Variants in XIRP2 observed in about 807,000 individuals in gnomAD.
The protein encoded by XIRP2 is xin actin-binding repeat-containing protein 2.
In XIRP2, 236 loss-of-function variants were observed where a neutral mutation model predicts 277.0. The observed-to-expected ratio is 0.85, with a 90% CI of 0.77 to 0.95. The LOEUF is 0.95. Among genes scored for constraint, XIRP2 ranks in the 40% least tolerant of loss-of-function variants. The pLI, the probability that XIRP2 is intolerant of heterozygous loss-of-function variation, is 0.00. For missense variants in XIRP2, 4,640 were observed against 4,157.5 expected (o/e 1.12, Z -3.19); for synonymous variants, 1,490 against 1,416.5 (o/e 1.05, Z -1.17).
At chr2:167,047,165 A>T (rs549076514) in intron 2 of XIRP2, among the ~76,000 whole-genome samples, 70 of 152,102 alleles carry the variant, frequency 4.6e-4, no homozygotes, top group Non-Finnish European at 5.4e-4. Flanking sequence ...AATGAAAAAA[A>T]TCTGATAATT....
At chr2:167,219,048 T>C (rs1174446382) in intron 5 of XIRP2, among the ~76,000 whole-genome samples, 1 of 151,554 alleles carries the variant, frequency 6.6e-6, no homozygotes, top group Non-Finnish European at 1.5e-5. Flanking sequence ...ATGAAGTGGA[T>C]GTATTTTTTT....
chr2:167,026,422 G>T (rs908471936), intron 2 of XIRP2, among the ~76,000 whole-genome samples: 3 of 152,056 alleles, frequency 2.0e-5, no homozygotes, highest in African/African-American at 7.2e-5. Context: ...TTTCCAGTCT[G>T]TGTCTTTTAA....
intron 2 of XIRP2, among the ~76,000 whole-genome samples, chr2:166,912,606 C>T (rs542200538): frequency 2.6e-5 from 4 of 152,354 alleles, no homozygotes; most frequent in East Asian, 3.9e-4. Context: ...CTTCTCTCAA[C>T]TCGTCAAATT....
chr2:167,145,942 T>G (rs893192747), intron 3 of XIRP2, among the ~76,000 whole-genome samples: 2 of 152,060 alleles, frequency 1.3e-5, no homozygotes, highest in East Asian at 1.9e-4. Flanking sequence ...AAGAGATTCA[T>G]AGAAAATGCA....
At chr2:167,084,195 T>C (rs2105266053) in intron 2 of XIRP2, among the ~76,000 whole-genome samples, 1 of 152,178 alleles carries the variant, frequency 6.6e-6, no homozygotes, top group African/African-American at 2.4e-5. Flanking sequence ...TCTATTGAGA[T>C]AATAATGTGG....
chr2:167,206,220 G>A (rs1234467414), intron 3 of XIRP2, among the ~76,000 whole-genome samples: 1 of 151,952 alleles, frequency 6.6e-6, no homozygotes, highest in Non-Finnish European at 1.5e-5. Flanking sequence ...CCTGGATTGT[G>A]GTAAATATTT....
intron 2 of XIRP2, among the ~76,000 whole-genome samples, chr2:167,089,394 G>C (rs1356419090): frequency 6.6e-6 from 1 of 152,034 alleles, no homozygotes; most frequent in Non-Finnish European, 1.5e-5. Flanking sequence ...AATTAGCTCA[G>C]CTCACAACTG....
chr2:167,241,439 T>C (rs557921018), intron 7 of XIRP2, among the ~76,000 whole-genome samples: 2 of 152,226 alleles, frequency 1.3e-5, no homozygotes, highest in Non-Finnish European at 2.9e-5. Context: ...ACATTTTTCT[T>C]CCTGTATTGT....
intron 2 of XIRP2, among the ~76,000 whole-genome samples, chr2:167,023,293 G>A (rs1398594434): frequency 6.6e-6 from 1 of 152,028 alleles, no homozygotes; most frequent in Non-Finnish European, 1.5e-5. Flanking sequence ...CCCACTTTTT[G>A]ATGGGGTTGT....
At chr2:166,955,198 C>A (rs556742438) in intron 2 of XIRP2, among the ~76,000 whole-genome samples, 5 of 151,826 alleles carry the variant, frequency 3.3e-5, no homozygotes, top group Middle Eastern at 6.8e-3. Flanking sequence ...AGACAAAATG[C>A]AGTATGTCTA....
At chr2:167,171,626 G>T (rs73023913) in intron 3 of XIRP2, among the ~76,000 whole-genome samples, 8 of 152,240 alleles carry the variant, frequency 5.3e-5, no homozygotes, top group African/African-American at 1.9e-4. Context: ...ATATTAGTCT[G>T]CTTATTCTGT....
intron 2 of XIRP2, among the ~76,000 whole-genome samples, chr2:167,034,467 C>T (rs930098575): frequency 6.6e-6 from 1 of 151,114 alleles, no homozygotes; most frequent in Non-Finnish European, 1.5e-5. Context: ...GGACTAAACA[C>T]TCCAATCAAA....
intron 2 of XIRP2, among the ~76,000 whole-genome samples, chr2:167,125,381 T>C (rs931387029): frequency 1.3e-5 from 2 of 152,264 alleles, no homozygotes; most frequent in Admixed American, 6.5e-5. Flanking sequence ...GTTTCTGGAA[T>C]TGATAAATAA....
At position 167,249,896 on chromosome 2, in the gene XIRP2, T is replaced by C. The variant is rs1222155422; in HGVS notation, c.8504T>C (p.Leu2835Ser). ...PSMIGRKEER[L>S]ITERKHEHLK... is the part of the protein sequence containing the mutation. ...ATGATTGGTCGAAAAGAAGAGAGAT[T>C]AATAACTGAAAGAAAACACGAACAT... Residue 2835 changes from leucine (L) to serine (S), a missense_variant, in exon 9 of 11, where the codon TTA becomes TCA. By Grantham distance (145) the Leu-to-Ser change is moderately radical (BLOSUM62 -2). Coordinates refer to ENST00000409195, the MANE Select transcript of XIRP2 (RefSeq NM_152381.6). 6.2e-7 allele frequency: 1 copy of C among 1,613,284 alleles called. No individual in the cohort carries two copies. The highest frequency in any genetic ancestry group is 8.5e-7 in the Non-Finnish European group (1 of 1,179,674).
Position 167,245,197 on chromosome 2 carries a change from G to T in XIRP2, c.3805G>T (p.Gly1269Cys). The T allele has an allele frequency of 6.2e-7, 1 of 1,613,734 alleles. No homozygotes were observed. The highest frequency in any genetic ancestry group is 1.1e-5 in the South Asian group (1 of 91,072). ...ECVKTVTDIQGGDVRKGCFIF... is the reference protein window; with the variant it reads ...ECVKTVTDIQCGDVRKGCFIF... ...TGTTAAGACGGTGACAGACATACAA[G>T]GTGGGGATGTAAGAAAGGGGTGCTT... Residue 1269 changes from glycine (G) to cysteine (C), a missense_variant, in exon 9 of 11, where the codon GGT (glycine) becomes TGT (cysteine). By Grantham distance (159) the Gly-to-Cys change is radical. Transcript: ENST00000409195.
chr2:167,225,078 A>G (rs1469362278), intron 5 of XIRP2, among the ~76,000 whole-genome samples: 1 of 152,238 alleles, frequency 6.6e-6, no homozygotes, highest in Non-Finnish European at 1.5e-5. Flanking sequence ...CAAGAAAGAA[A>G]TATGCTTCAA....
Position 167,258,106 on chromosome 2 carries a change from A to C in XIRP2, c.*289A>C, listed in dbSNP as rs554575991. On this transcript the variant is annotated 3_prime_UTR_variant, in exon 11 of 11. Transcript: ENST00000409195. ...AACATTTAGATGCTGGTAACAGTGA[A>C]GGGCAAAGGAATGATTTGAGAAAAT... 12 of 1,613,224 alleles carry C rather than the reference A, an allele frequency of 7.4e-6. No individual in the cohort carries two copies. The East Asian group carries it at 2.7e-4, about 36-fold the overall frequency.
In XIRP2 at chr2:167,220,507, G is replaced by A. The variant is rs1694389777; in HGVS notation, c.858+2207G>A. On this transcript the variant is annotated intron_variant, in intron 5 of 10. Coordinates refer to ENST00000409195, the MANE Select transcript of XIRP2 (RefSeq NM_152381.6). The stretch of plus-strand genomic sequence containing the variant: ...CTCCACACAAATATTTGTTCAAACA[G>A]TAAACAAAGTATCACCTTTATCAGA... Among the ~76,000 whole-genome samples the A allele has an allele frequency of 2.6e-5, 4 of 152,180 alleles. No individual in the cohort carries two copies. The South Asian group carries it at 8.3e-4, about 32-fold the overall frequency.
At chr2:167,059,030 T>C (rs1328368641) in intron 2 of XIRP2, among the ~76,000 whole-genome samples, 4 of 150,416 alleles carry the variant, frequency 2.7e-5, no homozygotes, top group African/African-American at 9.7e-5. Context: ...AGTAAATTCA[T>C]CACAAAAAAG....
Sources: allele counts gnomAD v4.1 joint callset (sites outside exome capture counted in the v4.1 genomes callset), GRCh38; gene constraint gnomAD v4.1.1; transcripts MANE v1.5; gene names NCBI Gene and HGNC (gene_info 2026-07-23, HGNC 2026-07-21).